Variants in FRMD3 observed in about 807,000 individuals in gnomAD.
FRMD3 encodes FERM domain-containing protein 3.
Under a neutral mutation model 70.2 loss-of-function variants are expected in FRMD3, and 33 were observed. That is an observed-to-expected ratio of 0.47 (90% CI 0.36 to 0.63). FRMD3 has a LOEUF of 0.63. FRMD3 is among the 20% of genes least tolerant of loss of function. The pLI is 0.00. For synonymous variants in FRMD3, 279 were observed against 255.9 expected (o/e 1.09, Z -0.86); for missense variants, 632 against 711.4 (o/e 0.89, Z 1.27).
intron 1 of FRMD3, among the ~76,000 whole-genome samples, chr9:83,486,054 GTAATA>G (rs1828683189): frequency 1.3e-5 from 2 of 151,780 alleles, no homozygotes; most frequent in South Asian, 2.1e-4. Flanking sequence ...TCATTAATAT[GTAATA>G]TAATATATTA....
intron 1 of FRMD3, among the ~76,000 whole-genome samples, chr9:83,462,776 T>C (rs1587877666): frequency 2.0e-5 from 3 of 152,204 alleles, no homozygotes; most frequent in Non-Finnish European, 4.4e-5. Context: ...AAATAGGGAA[T>C]AGAAGAAGAC....
intron 2 of FRMD3, among the ~76,000 whole-genome samples, chr9:83,384,469 T>A (rs1825454140): frequency 6.6e-6 from 1 of 152,118 alleles, no homozygotes; most frequent in Non-Finnish European, 1.5e-5. Context: ...CTCCCCAAGG[T>A]GCCTCTAGAA....
chr9:83,518,611 A>G (rs1587511478), intron 1 of FRMD3, among the ~76,000 whole-genome samples: 1 of 152,182 alleles, frequency 6.6e-6, no homozygotes, highest in East Asian at 1.9e-4. Flanking sequence ...GCTGCCATTG[A>G]CTTTCTTCAC....
the FRMD3 span, among the ~76,000 whole-genome samples, chr9:83,563,240 C>T: frequency 1.3e-5 from 2 of 152,256 alleles, no homozygotes; most frequent in Non-Finnish European, 2.9e-5. Flanking sequence ...GGGGACTTTC[C>T]CTTCACTCCA....
At chr9:83,560,144 G>T in the FRMD3 span, among the ~76,000 whole-genome samples, 8 of 152,168 alleles carry the variant, frequency 5.3e-5, no homozygotes, top group African/African-American at 1.4e-4. Context: ...TCATTCTCTA[G>T]CTGTATTAAA....
At chr9:83,381,385 T>C (rs542826518) in intron 2 of FRMD3, among the ~76,000 whole-genome samples, 2 of 152,140 alleles carry the variant, frequency 1.3e-5, no homozygotes, top group South Asian at 4.2e-4. Context: ...TGAAACCCTG[T>C]CTCTACTAAA....
At chr9:83,440,549 C>A (rs1827264506) in intron 1 of FRMD3, among the ~76,000 whole-genome samples, 1 of 152,168 alleles carries the variant, frequency 6.6e-6, no homozygotes, top group Non-Finnish European at 1.5e-5. Flanking sequence ...GGGCAATATA[C>A]AACACTGCAT....
At chr9:83,345,282 T>C (rs1381657541) in intron 4 of FRMD3, among the ~76,000 whole-genome samples, 1 of 135,180 alleles carries the variant, frequency 7.4e-6, no homozygotes, top group East Asian at 2.0e-4. Flanking sequence ...AAGTTTCTAA[T>C]TTGGAGTTGC....
At chr9:83,481,852 G>A (rs978936626) in intron 1 of FRMD3, among the ~76,000 whole-genome samples, 1 of 151,730 alleles carries the variant, frequency 6.6e-6, no homozygotes, top group Non-Finnish European at 1.5e-5. Flanking sequence ...CCAAGAGGGG[G>A]ACTGTAGTGT....
In FRMD3 at chr9:83,357,734, G is replaced by A. The variant is rs987889582; in HGVS notation, c.296-7977C>T. ...ATTTGTATATCTTCTTTTGAGAATG[G>A]TCTATTCATGTCCTTAGCCCACTTT... On this transcript the variant is annotated intron_variant, in intron 3 of 13. Transcript: ENST00000304195. Among the ~76,000 whole-genome samples the A allele has an allele frequency of 1.3e-5, 2 of 152,004 alleles. 1 individual carries two copies. The highest frequency in any genetic ancestry group is 4.2e-4 in the South Asian group (2 of 4,818).
chr9:83,392,816 T>C (rs1056342745), intron 1 of FRMD3, among the ~76,000 whole-genome samples: 3 of 152,092 alleles, frequency 2.0e-5, no homozygotes, highest in Non-Finnish European at 4.4e-5. Flanking sequence ...TGTGCAGAAG[T>C]GGTTATCAAA....
At chr9:83,264,885 A>G (rs1833166391) in intron 13 of FRMD3, among the ~76,000 whole-genome samples, 1 of 147,494 alleles carries the variant, frequency 6.8e-6, no homozygotes, top group South Asian at 2.1e-4. Context: ...GGGTTAAACT[A>G]AAAAAAAAAT....
chr9:83,378,620 T>C (rs1825237802), intron 2 of FRMD3, among the ~76,000 whole-genome samples: 1 of 131,028 alleles, frequency 7.6e-6, no homozygotes, highest in African/African-American at 2.9e-5. Flanking sequence ...ATATATATTA[T>C]ACATAATTTA....
At chr9:83,554,112 G>T in the FRMD3 span, among the ~76,000 whole-genome samples, 9 of 152,170 alleles carry the variant, frequency 5.9e-5, 1 homozygote, top group Non-Finnish European at 4.4e-5. Context: ...AGTTTCATAG[G>T]GGGGTATATT....
intron 13 of FRMD3, among the ~76,000 whole-genome samples, chr9:83,255,726 C>CA (rs1338635847): frequency 3.9e-5 from 6 of 151,962 alleles, no homozygotes; most frequent in Non-Finnish European, 1.5e-5. Context: ...TCCTATACAC[C>CA]AACAACAGGC....
intron 10 of FRMD3, among the ~76,000 whole-genome samples, chr9:83,299,443 T>A (rs1233287520): frequency 6.6e-6 from 1 of 152,216 alleles, no homozygotes; most frequent in Admixed American, 6.5e-5. Context: ...CATACTGGGT[T>A]TCATAATTCA....
At chr9:83,437,260 G>A (rs917497591) in intron 1 of FRMD3, among the ~76,000 whole-genome samples, 1 of 152,142 alleles carries the variant, frequency 6.6e-6, no homozygotes, top group African/African-American at 2.4e-5. Context: ...TATAGAGGAG[G>A]CAACTCAACA....
intron 1 of FRMD3, among the ~76,000 whole-genome samples, chr9:83,513,172 G>T (rs961424975): frequency 2.6e-5 from 4 of 152,332 alleles, no homozygotes; most frequent in Admixed American, 2.6e-4. Flanking sequence ...AGATCTGGAA[G>T]TGTGAGCCAA....
intron 1 of FRMD3, among the ~76,000 whole-genome samples, chr9:83,427,911 T>C (rs566514490): frequency 5.9e-5 from 9 of 152,288 alleles, no homozygotes; most frequent in South Asian, 2.1e-4. Flanking sequence ...TTTGGTGGGA[T>C]GCAGAGAAAC....
Sources: gnomAD v4.1 joint callset for allele counts (sites outside exome capture counted in the v4.1 genomes callset) on GRCh38, gnomAD v4.1.1 for gene constraint, MANE v1.5 for transcripts, NCBI Gene and HGNC (gene_info 2026-07-23, HGNC 2026-07-21) for gene names.